The following LRMDA variants were observed in gnomAD, a reference collection of about 807,000 sequenced individuals.
The protein encoded by LRMDA is leucine-rich melanocyte differentiation-associated protein.
In LRMDA, 18 loss-of-function variants were observed where a neutral mutation model predicts 29.8. The ratio of observed to expected loss-of-function variants is 0.60; its 90% CI spans 0.42 to 0.90. The LOEUF (loss-of-function observed/expected upper bound fraction) is 0.90, where lower values mean the gene tolerates loss of function less well. Ranked by LOEUF, LRMDA falls within the 40% of genes least tolerant of loss-of-function variation. The probability of loss-of-function intolerance (pLI) is 0.00; values close to 1 mark genes in which losing one functional copy is unlikely to be tolerated. For synonymous variants in LRMDA, 125 were observed against 109.4 expected (o/e 1.14, Z -0.89); for missense variants, 273 against 273.9 (o/e 1.00, Z 0.02).
chr10:76,467,597 T>C (rs1842576949), intron 6 of LRMDA, among the ~76,000 whole-genome samples: 1 of 152,210 alleles, frequency 6.6e-6, no homozygotes, highest in Non-Finnish European at 1.5e-5. Flanking sequence ...ATGATGGTTG[T>C]GTTTTTGATT....
chr10:75,910,615 G>A (rs959957688), intron 2 of LRMDA, among the ~76,000 whole-genome samples: 14 of 152,142 alleles, frequency 9.2e-5, no homozygotes, highest in Admixed American at 3.3e-4. Context: ...AGAATTTATC[G>A]TCTCATCTTC....
intron 2 of LRMDA, among the ~76,000 whole-genome samples, chr10:75,712,946 A>T (rs1005168587): frequency 5.9e-5 from 9 of 152,062 alleles, no homozygotes; most frequent in African/African-American, 1.9e-4. Context: ...AATTTACCTT[A>T]ATCAGTTATT....
intron 5 of LRMDA, among the ~76,000 whole-genome samples, chr10:76,243,807 G>A (rs1852323331): frequency 6.6e-6 from 1 of 152,164 alleles, no homozygotes; most frequent in South Asian, 2.1e-4. Context: ...GGGTTGAGTG[G>A]TAGCCCCCCC....
At chr10:76,371,434 G>C (rs1841453056) in intron 6 of LRMDA, among the ~76,000 whole-genome samples, 1 of 151,872 alleles carries the variant, frequency 6.6e-6, no homozygotes, top group African/African-American at 2.4e-5. Context: ...TCTCACAACT[G>C]CTTCTGTGAA....
At chr10:76,118,156 A>G (rs1366728958) in intron 5 of LRMDA, among the ~76,000 whole-genome samples, 1 of 152,210 alleles carries the variant, frequency 6.6e-6, no homozygotes, top group Non-Finnish European at 1.5e-5. Context: ...AGAGGCCACA[A>G]GCAAATGGTG....
In LRMDA at chr10:76,039,429, C is replaced by T. The variant is rs531345268; in HGVS notation, c.258+3295C>T. ...ATCTTGAATCCTTTTGTGAAGTTAGCTTTATTTTAAATTTTTTTGGTTTGT... is the reference window on the plus strand; with the variant it reads ...ATCTTGAATCCTTTTGTGAAGTTAGTTTTATTTTAAATTTTTTTGGTTTGT... On this transcript the variant is annotated intron_variant, in intron 3 of 6. Transcript: ENST00000611255. Among the ~76,000 whole-genome samples the T allele has an allele frequency of 2.4e-4, 36 of 152,234 alleles. No homozygotes were observed. The South Asian group carries it at 3.1e-3, about 13-fold the overall frequency.
chr10:76,448,307 C>T (rs1385591227), intron 6 of LRMDA, among the ~76,000 whole-genome samples: 3 of 152,016 alleles, frequency 2.0e-5, no homozygotes, highest in Admixed American at 1.3e-4. Flanking sequence ...TTTTTAACAG[C>T]CCCTTAATGT....
intron 2 of LRMDA, among the ~76,000 whole-genome samples, chr10:75,827,578 T>G (rs149019374): frequency 3.4e-4 from 52 of 152,334 alleles, no homozygotes; most frequent in African/African-American, 1.2e-3. Flanking sequence ...TCCTAAAATG[T>G]CTTCTGCTCA....
At chr10:75,709,081 C>T (rs1019312810) in intron 2 of LRMDA, among the ~76,000 whole-genome samples, 3 of 152,082 alleles carry the variant, frequency 2.0e-5, no homozygotes, top group Non-Finnish European at 4.4e-5. Context: ...ATTCCCTCGC[C>T]CCACTCTCAT....
chr10:75,821,799 A>AAAC lies in LRMDA; in HGVS notation c.132-214207_132-214206insCAA, dbSNP rs775278965. ...ACAAACAAACAAACAAACAAACAAA[A>AAAC]AAAACCCTTACCAAACTAGGTATAG... On this transcript the variant is annotated intron_variant, in intron 2 of 6. Transcript: ENST00000611255. 8.4e-3 allele frequency among the ~76,000 whole-genome samples: 1,174 copies of AAAC among 139,940 alleles called. 6 individuals are homozygous for AAAC. The highest frequency in any genetic ancestry group is 0.017 in the South Asian group (71 of 4,146). 91.8% of individuals were successfully genotyped at this position (139,940 alleles called of 152,430 possible).
intron 6 of LRMDA, among the ~76,000 whole-genome samples, chr10:76,391,763 C>G (rs1841725741): frequency 6.6e-6 from 1 of 152,138 alleles, no homozygotes; most frequent in South Asian, 2.1e-4. Flanking sequence ...ATTCTCATAG[C>G]TCTTGTCTTT....
intron 6 of LRMDA, among the ~76,000 whole-genome samples, chr10:76,393,051 C>T (rs991488920): frequency 3.3e-5 from 5 of 152,116 alleles, no homozygotes; most frequent in Admixed American, 6.5e-5. Flanking sequence ...TCATTGTGTA[C>T]AAGTACACCA....
At chr10:75,634,369 A>T (rs1836000682) in intron 2 of LRMDA, among the ~76,000 whole-genome samples, 1 of 152,246 alleles carries the variant, frequency 6.6e-6, no homozygotes, top group African/African-American at 2.4e-5. Flanking sequence ...TTTAAAAATT[A>T]GTTGCTAACC....
intron 2 of LRMDA, among the ~76,000 whole-genome samples, chr10:75,773,461 G>C (rs1172096716): frequency 6.6e-6 from 1 of 152,186 alleles, no homozygotes; most frequent in Non-Finnish European, 1.5e-5. Flanking sequence ...CAGTGGAGCA[G>C]GTCTGGTGAG....
At chr10:76,205,419 T>A (rs1851516201) in intron 5 of LRMDA, among the ~76,000 whole-genome samples, 1 of 152,172 alleles carries the variant, frequency 6.6e-6, no homozygotes, top group South Asian at 2.1e-4. Context: ...TTCCCAGACT[T>A]TAATGGCTTA....
At chr10:76,389,258 A>G (rs1841695610) in intron 6 of LRMDA, among the ~76,000 whole-genome samples, 1 of 152,140 alleles carries the variant, frequency 6.6e-6, no homozygotes, top group Admixed American at 6.5e-5. Flanking sequence ...GTTGCTCCTC[A>G]GTGCTAGAAT....
intron 6 of LRMDA, among the ~76,000 whole-genome samples, chr10:76,398,886 A>G (rs1303492979): frequency 6.6e-6 from 1 of 152,172 alleles, no homozygotes; most frequent in Non-Finnish European, 1.5e-5. Context: ...CACTTGGAAA[A>G]TTTGGGTCTT....
intron 5 of LRMDA, among the ~76,000 whole-genome samples, chr10:76,209,018 G>T (rs909284419): frequency 6.6e-6 from 1 of 152,082 alleles, no homozygotes; most frequent in Non-Finnish European, 1.5e-5. Flanking sequence ...GCCAGGTGTG[G>T]TGGTGGGCAC....
intron 6 of LRMDA, among the ~76,000 whole-genome samples, chr10:76,530,226 G>C (rs1843219508): frequency 6.6e-6 from 1 of 152,134 alleles, no homozygotes; most frequent in Non-Finnish European, 1.5e-5. Flanking sequence ...TTATTTTTAA[G>C]ACTACTCTTT....
Sources: allele counts gnomAD v4.1 joint callset (sites outside exome capture counted in the v4.1 genomes callset), GRCh38; gene constraint gnomAD v4.1.1; transcripts MANE v1.5; gene names NCBI Gene and HGNC (gene_info 2026-07-23, HGNC 2026-07-21).